LRRC4C: variants seen among roughly 807,000 people sequenced by gnomAD.
LRRC4C encodes leucine rich repeat containing 4C.
Under a neutral mutation model 33.6 loss-of-function variants are expected in LRRC4C, and 5 were observed. That is an observed-to-expected ratio of 0.15 (90% CI 0.08 to 0.31). LRRC4C has a LOEUF of 0.31. LRRC4C is among the 10% of genes least tolerant of loss of function. The pLI, the probability that LRRC4C is intolerant of heterozygous loss-of-function variation, is 1.00. For synonymous variants in LRRC4C, 329 were observed against 302.0 expected (o/e 1.09, Z -0.93); for missense variants, 560 against 796.7 (o/e 0.70, Z 3.58).
At chr11:41,428,986 T>C (rs534932276) in intron 1 of LRRC4C, among the ~76,000 whole-genome samples, 2 of 152,206 alleles carry the variant, frequency 1.3e-5, no homozygotes, top group Non-Finnish European at 2.9e-5. Context: ...CTGAATATGG[T>C]TTGGCTGTGT....
chr11:40,375,047 T>C lies in LRRC4C; in HGVS notation c.-269-55326A>G, dbSNP rs141933185. ...TATGGATGCCTTGAGATTCCTAAGA[T>C]ATCATCCAGTGGAACAAAATTTTCT... On this transcript the variant is annotated intron_variant, in intron 3 of 6. Coordinates refer to ENST00000528697, the MANE Select transcript of LRRC4C (RefSeq NM_001258419.2). Among the ~76,000 whole-genome samples, 36 of 152,304 alleles carry C rather than the reference T, an allele frequency of 2.4e-4. No homozygotes were observed. In the East Asian group the frequency reaches 4.6e-3, roughly 20 times the overall value.
intron 1 of LRRC4C, among the ~76,000 whole-genome samples, chr11:41,139,949 C>A (rs1943431180): frequency 6.6e-6 from 1 of 152,088 alleles, no homozygotes; most frequent in Non-Finnish European, 1.5e-5. Context: ...TGCGATTTGA[C>A]AATCCTGGTG....
intron 1 of LRRC4C, among the ~76,000 whole-genome samples, chr11:41,101,836 G>T (rs1422949801): frequency 6.6e-6 from 1 of 152,018 alleles, no homozygotes; most frequent in Non-Finnish European, 1.5e-5. Flanking sequence ...TTGCAGGAAC[G>T]TGGATGAAAC....
chr11:40,204,758 CAG>C lies in LRRC4C; in HGVS notation c.-96+36759_-96+36760del, dbSNP rs910172222. ...TAGAAAAACCCTTCCCGTTCTTCAG[CAG>C]AGAGTTGAGTCTAGATTTAGTTCTA... On this transcript the variant is annotated intron_variant, in intron 5 of 6. Coordinates refer to ENST00000528697, the MANE Select transcript of LRRC4C (RefSeq NM_001258419.2). Among the ~76,000 whole-genome samples the C allele has an allele frequency of 6.6e-4, 100 of 152,298 alleles. 1 individual carries two copies. The highest frequency in any genetic ancestry group is 3.4e-3 in the Middle Eastern group (1 of 294).
intron 1 of LRRC4C, among the ~76,000 whole-genome samples, chr11:41,164,962 C>T (rs761777755): frequency 3.9e-5 from 6 of 152,090 alleles, no homozygotes; most frequent in East Asian, 1.9e-4. Flanking sequence ...CTCCCAGGAT[C>T]GATTGTATCT....
chr11:41,070,348 T>C (rs1590425518), intron 1 of LRRC4C, among the ~76,000 whole-genome samples: 2 of 152,244 alleles, frequency 1.3e-5, no homozygotes, highest in East Asian at 1.9e-4. Flanking sequence ...ATTCAGGACA[T>C]AGGCATAGGC....
chr11:40,397,467 A>G (rs1949588031), intron 3 of LRRC4C, among the ~76,000 whole-genome samples: 2 of 152,170 alleles, frequency 1.3e-5, no homozygotes, highest in Non-Finnish European at 1.5e-5. Context: ...GCTCTGAATA[A>G]TGGAACTCTC....
At chr11:41,017,191 G>A (rs928222296) in intron 1 of LRRC4C, among the ~76,000 whole-genome samples, 11 of 152,060 alleles carry the variant, frequency 7.2e-5, no homozygotes, top group African/African-American at 1.9e-4. Flanking sequence ...TTATATTTTG[G>A]AGGATTAGGC....
intron 1 of LRRC4C, among the ~76,000 whole-genome samples, chr11:41,021,263 T>A (rs1855966043): frequency 7.1e-6 from 1 of 140,656 alleles, no homozygotes; most frequent in African/African-American, 2.7e-5. Context: ...ATCTCCAACT[T>A]TTATTCCTGA....
chr11:41,363,155 C>T (rs1952416231), intron 1 of LRRC4C, among the ~76,000 whole-genome samples: 1 of 152,154 alleles, frequency 6.6e-6, no homozygotes, highest in African/African-American at 2.4e-5. Flanking sequence ...CTCTGGCTGG[C>T]TCCTGCCATT....
chr11:40,401,553 T>G (rs1245867928), intron 3 of LRRC4C, among the ~76,000 whole-genome samples: 1 of 152,116 alleles, frequency 6.6e-6, no homozygotes, highest in Non-Finnish European at 1.5e-5. Context: ...TTGCTTTCTC[T>G]GTCAATTCAT....
intron 1 of LRRC4C, among the ~76,000 whole-genome samples, chr11:41,299,991 A>G (rs1950243224): frequency 6.6e-6 from 1 of 152,160 alleles, no homozygotes; most frequent in Non-Finnish European, 1.5e-5. Context: ...TAAGTTTTCC[A>G]AGAACATCAT....
chr11:40,862,554 C>T (rs1189095010), intron 2 of LRRC4C, among the ~76,000 whole-genome samples: 1 of 152,038 alleles, frequency 6.6e-6, no homozygotes, highest in Non-Finnish European at 1.5e-5. Context: ...CTTTAAAAAC[C>T]CAAACAACTG....
chr11:40,382,592 C>T (rs894492221), intron 3 of LRRC4C, among the ~76,000 whole-genome samples: 6 of 150,900 alleles, frequency 4.0e-5, no homozygotes, highest in East Asian at 2.0e-4. Context: ...TTTTAAAGTA[C>T]GCAAGTATTA....
intron 2 of LRRC4C, among the ~76,000 whole-genome samples, chr11:40,815,300 C>T (rs1238528490): frequency 1.3e-5 from 2 of 152,122 alleles, no homozygotes; most frequent in Non-Finnish European, 2.9e-5. Context: ...ATCGTAAGAA[C>T]AGCACAGGAA....
intron 2 of LRRC4C, among the ~76,000 whole-genome samples, chr11:40,847,526 A>G (rs879734046): frequency 3.3e-5 from 5 of 152,112 alleles, no homozygotes; most frequent in African/African-American, 1.2e-4. Context: ...AAGCTTTTTA[A>G]TGTGTTGCTG....
intron 3 of LRRC4C, among the ~76,000 whole-genome samples, chr11:40,363,116 T>C (rs1424756046): frequency 1.3e-5 from 2 of 152,170 alleles, no homozygotes; most frequent in Non-Finnish European, 2.9e-5. Flanking sequence ...CATATGTTCA[T>C]TGCAGCACTA....
intron 5 of LRRC4C, among the ~76,000 whole-genome samples, chr11:40,162,162 GAA>G (rs201840630): frequency 1.5e-5 from 2 of 133,156 alleles, no homozygotes; most frequent in East Asian, 2.2e-4. Flanking sequence ...GGTTCCAGAA[GAA>G]AAAAAAAAAA....
intron 1 of LRRC4C, among the ~76,000 whole-genome samples, chr11:41,176,967 TAAAACAAAACAAAAC>T (rs138933488): frequency 0.072 from 10,585 of 147,630 alleles, 468 homozygotes; most frequent in African/African-American, 0.12. Flanking sequence ...TCCATCTCTA[TAAAACAAAACAAAAC>T]AAAACAAAAC....
Sources: allele counts gnomAD v4.1 joint callset (sites outside exome capture counted in the v4.1 genomes callset), GRCh38; gene constraint gnomAD v4.1.1; transcripts MANE v1.5; gene names NCBI Gene and HGNC (gene_info 2026-07-23, HGNC 2026-07-21).